CLUH: variants seen among roughly 807,000 people sequenced by gnomAD.
The protein encoded by CLUH is clustered mitochondria protein homolog.
Under a neutral mutation model 139.3 loss-of-function variants are expected in CLUH, and 77 were observed. The ratio of observed to expected loss-of-function variants is 0.55; its 90% CI spans 0.46 to 0.67. The LOEUF is 0.67. CLUH is among the 30% of genes least tolerant of loss of function. The pLI is 0.00. For missense variants in CLUH, 1,876 were observed against 1,875.8 expected, an observed-to-expected ratio of 1.00 and a Z score of 0.00; for synonymous variants, 999 against 801.6, an observed-to-expected ratio of 1.25 and a Z score of -4.16.
At chr17:2,694,822 T>TCCCCCCCC in intron 16 of CLUH, 35 bp downstream of exon 16, 1 of 1,346,322 alleles carries the variant, frequency 7.4e-7, no homozygotes, top group Non-Finnish European at 1.0e-6. Flanking sequence ...ATCTGCCCAA[T>TCCCCCCCC]CCCACCCACC....
rs763817167 is a variant in CLUH, at chr17:2,692,037, G to C, written c.3621C>G (p.His1207Gln). ...SKAEFRSALQ[H>Q]EKEGYTIYKT... Reference sequence around the variant, plus strand: ...TGTAGATGGTGTAACCCTCCTTCTCGTGCTGCAGGGCCGACCGGAACTCAG... The same window carrying C: ...TGTAGATGGTGTAACCCTCCTTCTCCTGCTGCAGGGCCGACCGGAACTCAG... The change falls in exon 23 of 26, where the codon CAC becomes CAG. Residue 1207 changes from histidine (H) to glutamine (Q), a missense_variant. Physicochemically the swap from His to Gln is conservative, Grantham distance 24. Coordinates refer to ENST00000651024, the MANE Select transcript of CLUH (RefSeq NM_001366661.1). 5.6e-6 allele frequency: 9 copies of C among 1,595,906 alleles called. No individual in the cohort carries two copies. The Admixed American group carries it at 6.8e-5, about 12-fold the overall frequency.
At chr17:2,709,987 G>C (rs560792424) in intron 1 of CLUH, among the ~76,000 whole-genome samples, 1 of 146,850 alleles carries the variant, frequency 6.8e-6, no homozygotes, top group Admixed American at 6.9e-5. Context: ...GAGTTAGGAA[G>C]GGGCTTCACT....
chr17:2,697,950 C>G lies in CLUH; in HGVS notation c.1907G>C (p.Arg636Pro), dbSNP rs762171639. The G allele has an allele frequency of 3.8e-6, 6 of 1,558,716 alleles. No homozygotes were observed. The highest frequency in any genetic ancestry group is 2.4e-5 in the East Asian group (1 of 42,514). The change falls in exon 10 of 26, where the codon CGG becomes CCG. Residue 636 changes from arginine (R) to proline (P), a missense_variant. By Grantham distance (103) the Arg-to-Pro change is moderately radical (BLOSUM62 -2). Transcript: ENST00000651024. Reference protein sequence around the residue: ...CARAGFPRAHRHKLCCLRQEL... With the variant: ...CARAGFPRAHPHKLCCLRQEL... ...CTGGCGCAGGCAGCAGAGCTTGTGC[C>G]GGTGGGCGCGGGGGAAGCCGGCGCG...
At chr17:2,708,980 G>C (rs1335625950) in intron 1 of CLUH, among the ~76,000 whole-genome samples, 1 of 152,188 alleles carries the variant, frequency 6.6e-6, no homozygotes, top group African/African-American at 2.4e-5. Context: ...CTTTAGGGGA[G>C]GGGAAAAGGA....
At position 2,711,644 on chromosome 17, in the gene CLUH, G is replaced by C; in HGVS notation, c.18C>G (p.Asp6Glu). The C allele has an allele frequency of 1.0e-6, 1 of 984,484 alleles. No homozygotes were observed. Among genetic ancestry groups the C allele is most frequent in the Non-Finnish European group, 1.2e-6 (1 of 829,522 alleles). 61.0% of individuals were successfully genotyped at this position (984,484 alleles called of 1,614,324 possible). Residue 6 changes from aspartate (D) to glutamate (E), a missense_variant, in exon 1 of 26, where the codon GAC becomes GAG. Physicochemically the swap from Asp to Glu is conservative, Grantham distance 45. Around this residue, in one of 3 missense-constraint regions of CLUH, gnomAD observed 152 missense variants for 136.7 expected, o/e 1.11. Transcript: ENST00000651024. MVIKT[D>E]ELPAAAPADS... ...CGGCCGGGGCGGCCGCCGGCAACTC[G>C]TCCGTCTTGATAACCATGGTGGCGG...
chr17:2,690,453 G>A lies in CLUH; in HGVS notation c.*141C>T. 5 of 699,208 alleles carry A rather than the reference G, an allele frequency of 7.2e-6. No homozygotes were observed. The highest frequency in any genetic ancestry group is 3.4e-5 in the East Asian group (1 of 29,276). 43.3% of individuals were successfully genotyped at this position (699,208 alleles called of 1,614,324 possible). A position where few individuals can be genotyped will look rare whatever the true frequency, so the allele number is the denominator to read the frequency against. Reference sequence around the variant, plus strand: ...GCGGGGCAGGCAGGCCAGGCTCCCAGGAGGACACGGGGGTGGGGTGGGGTG... The same window carrying A: ...GCGGGGCAGGCAGGCCAGGCTCCCAAGAGGACACGGGGGTGGGGTGGGGTG... On this transcript the variant is annotated 3_prime_UTR_variant, in exon 26 of 26. Transcript: ENST00000651024.
intron 1 of CLUH, among the ~76,000 whole-genome samples, chr17:2,705,818 G>A (rs76966302): frequency 0.016 from 2,454 of 152,258 alleles, 68 homozygotes; most frequent in African/African-American, 0.055. Flanking sequence ...CTCCAGGGTG[G>A]GGAGCAGGTG....
In CLUH at chr17:2,691,846, C is replaced by G. The variant is rs775782224; in HGVS notation, c.3704G>C (p.Cys1235Ser). The change falls in exon 24 of 26, where the codon TGC becomes TCC. Residue 1235 changes from cysteine (C) to serine (S), a missense_variant. By Grantham distance (112) the Cys-to-Ser change is moderately radical. Around this residue, in one of 3 missense-constraint regions of CLUH, gnomAD observed 1,454 missense variants for 1,384.4 expected, o/e 1.05. Coordinates refer to ENST00000651024, the MANE Select transcript of CLUH (RefSeq NM_001366661.1). ...KTKESSEYLK[C>S]LTQQAVALQR... is the part of the protein sequence containing the mutation. ...CAGGGCCACGGCCTGCTGGGTCAGG[C>G]ACTTGAGGTACTCGGAGCTTTCCTT... is the stretch of plus-strand genomic sequence containing the variant. 6.4e-7 allele frequency: 1 copy of G among 1,556,092 alleles called. No individual in the cohort carries two copies. The highest frequency in any genetic ancestry group is 1.9e-5 in the Admixed American group (1 of 51,654).
chr17:2,697,949 C>T lies in CLUH; in HGVS notation c.1908G>A (p.Arg636=). 6.4e-7 allele frequency: 1 copy of T among 1,557,828 alleles called. No individual in the cohort carries two copies. The highest frequency in any genetic ancestry group is 8.6e-7 in the Non-Finnish European group (1 of 1,156,678). ...CCTGGCGCAGGCAGCAGAGCTTGTG[C>T]CGGTGGGCGCGGGGGAAGCCGGCGC... ...CARAGFPRAH[R]HKLCCLRQEL... The change falls in exon 10 of 26, where the codon CGG becomes CGA. Residue 636 remains arginine (R), a synonymous_variant. Coordinates refer to ENST00000651024, the MANE Select transcript of CLUH (RefSeq NM_001366661.1).
chr17:2,694,371 C>T (rs951218630), intron 17 of CLUH, 95 bp from the exon 18 acceptor site: 19 of 1,520,202 alleles, frequency 1.2e-5, no homozygotes, highest in East Asian at 2.4e-5. Flanking sequence ...AGACGGCTAC[C>T]GTGAAAAAGC....
At position 2,710,352 on chromosome 17, in the gene CLUH, C is replaced by T. The variant is rs549626556; in HGVS notation, c.100+1210G>A. ...CTTGTCTAGACAATCAGCAGTACTGCCCCAGCACCTGTCCCTCACCCCAAG... is the reference window on the plus strand; with the variant it reads ...CTTGTCTAGACAATCAGCAGTACTGTCCCAGCACCTGTCCCTCACCCCAAG... On this transcript the variant is annotated intron_variant, in intron 1 of 25. Transcript: ENST00000651024. Among the ~76,000 whole-genome samples the T allele has an allele frequency of 3.3e-5, 5 of 152,326 alleles. No homozygotes were observed. The South Asian group carries it at 1.0e-3, about 32-fold the overall frequency.
chr17:2,701,359 G>A lies in CLUH; in HGVS notation c.899+7C>T, dbSNP rs1175643167. The A allele has an allele frequency of 2.5e-6, 4 of 1,606,036 alleles. No individual in the cohort carries two copies. Among genetic ancestry groups the A allele is most frequent in the Non-Finnish European group, 3.4e-6 (4 of 1,176,784 alleles). On this transcript the variant is annotated splice_region_variant and intron_variant, in intron 6 of 25. Coordinates refer to ENST00000651024, the MANE Select transcript of CLUH (RefSeq NM_001366661.1). ...CAGGGGGGTGTGGTGGGCTGGCAGGGACTCACTGATTCAGGTAAAAGCCCC... is the reference window on the plus strand; with the variant it reads ...CAGGGGGGTGTGGTGGGCTGGCAGGAACTCACTGATTCAGGTAAAAGCCCC...
chr17:2,709,533 T>C (rs1209112097), intron 1 of CLUH, among the ~76,000 whole-genome samples: 1 of 152,096 alleles, frequency 6.6e-6, no homozygotes, highest in Non-Finnish European at 1.5e-5. Context: ...CCTCCCCCTC[T>C]GGGCCTCAAC....
Position 2,691,800 on chromosome 17 carries a change from G to A in CLUH, c.3750C>T (p.Ile1250=). The part of the protein sequence containing the change: ...AVALQRTMNE[I]YRNGSSANIP... ...TGTTGGCGCTGGAGCCGTTGCGGTAGATCTCGTTCATGGTGCGCTGCAGGG... is the reference window on the plus strand; with the variant it reads ...TGTTGGCGCTGGAGCCGTTGCGGTAAATCTCGTTCATGGTGCGCTGCAGGG... Residue 1250 remains isoleucine, a synonymous_variant, in exon 24 of 26, where the codon ATC becomes ATT. Coordinates refer to ENST00000651024, the MANE Select transcript of CLUH (RefSeq NM_001366661.1). 1 of 1,586,476 alleles carries A rather than the reference G, an allele frequency of 6.3e-7. No individual in the cohort carries two copies. The highest frequency in any genetic ancestry group is 8.6e-7 in the Non-Finnish European group (1 of 1,167,022).
In CLUH at chr17:2,696,146, G is replaced by T. The variant is rs1401933207; in HGVS notation, c.2391+13C>A. On this transcript the variant is annotated intron_variant, in intron 13 of 25. Transcript: ENST00000651024. ...CACACAAGCCCCACCCAGCCCCGCA[G>T]CCCCTCCCTCACCAAGCCAGGGATC... is the stretch of plus-strand genomic sequence containing the variant. 2 of 1,544,668 alleles carry T rather than the reference G, an allele frequency of 1.3e-6. No homozygotes were observed. Among genetic ancestry groups the T allele is most frequent in the African/African-American group, 1.4e-5 (1 of 73,096 alleles).
At position 2,707,255 on chromosome 17, in the gene CLUH, A is replaced by G. The variant is rs1749216756; in HGVS notation, c.101-2691T>C. On this transcript the variant is annotated intron_variant, in intron 1 of 25. Transcript: ENST00000651024. This position sits in a 1 kb window ranked among gnomAD's most constrained non-coding sequence, Gnocchi z 7.4. ...AGCAAGGCAGCCAGCTCTCCAGCTC[A>G]GCCCCAGCATTGCCCGGGTTCCTTG... The G allele has an allele frequency of 1.0e-6, 1 of 985,296 alleles. No homozygotes were observed. Among genetic ancestry groups the G allele is most frequent in the African/African-American group, 1.7e-5 (1 of 57,226 alleles). 61.0% of individuals were successfully genotyped at this position (985,296 alleles called of 1,614,324 possible).
chr17:2,699,475 T>C (rs982606828), intron 9 of CLUH, among the ~76,000 whole-genome samples: 9 of 150,648 alleles, frequency 6.0e-5, no homozygotes, highest in African/African-American at 2.2e-4. Context: ...TACAGGCACA[T>C]GCCACCATGC....
In CLUH at chr17:2,707,605, AGG is replaced by A. The variant is rs926443709; in HGVS notation, c.101-3043_101-3042del. On this transcript the variant is annotated intron_variant, in intron 1 of 25. Transcript: ENST00000651024. This position sits in a 1 kb window ranked among gnomAD's most constrained non-coding sequence, Gnocchi z 7.4. ...GGGGTACCTGGACCCCTCAAGATTG[AGG>A]GCCTAGGAGACTGGCTGGCAGGGGC... The A allele has an allele frequency of 2.0e-6, 2 of 985,208 alleles. No homozygotes were observed. The highest frequency in any genetic ancestry group is 3.5e-5 in the African/African-American group (2 of 57,214). 61.0% of individuals were successfully genotyped at this position (985,208 alleles called of 1,614,324 possible). A position where few individuals can be genotyped will look rare whatever the true frequency, so the allele number is the denominator to read the frequency against.
rs2070359280 is a variant in CLUH at position 2,706,672 on chromosome 17, G to A, written c.101-2108C>T. On this transcript the variant is annotated intron_variant, in intron 1 of 25. Coordinates refer to ENST00000651024, the MANE Select transcript of CLUH (RefSeq NM_001366661.1). This position sits in a 1 kb window ranked among gnomAD's most constrained non-coding sequence, Gnocchi z 4.6. ...GTGACAGAGCAGAAAGACAGCCGGG[G>A]CGGTGGTCGGTCAGCTTGCAAACAG... Among the ~76,000 whole-genome samples the A allele has an allele frequency of 1.3e-5, 2 of 152,198 alleles. No individual in the cohort carries two copies. Among genetic ancestry groups the A allele is most frequent in the African/African-American group, 4.8e-5 (2 of 41,452 alleles).
Sources: allele counts gnomAD v4.1 joint callset (sites outside exome capture counted in the v4.1 genomes callset), GRCh38; gene constraint gnomAD v4.1.1; regional missense constraint gnomAD v4.1.1; non-coding constraint Gnocchi (gnomAD v3.1); transcripts MANE v1.5; gene names NCBI Gene and HGNC (gene_info 2026-07-23, HGNC 2026-07-21).